MTUS1: variants seen among roughly 807,000 people sequenced by gnomAD.
MTUS1 encodes microtubule-associated tumor suppressor 1.
In MTUS1, 109 loss-of-function variants were observed where a neutral mutation model predicts 120.8. That is an observed-to-expected ratio of 0.90 (90% CI 0.77 to 1.06). The LOEUF is 1.06. Among genes scored for constraint, MTUS1 ranks in the 50% least tolerant of loss-of-function variants. The pLI is 0.00. For synonymous variants in MTUS1, 737 were observed against 550.5 expected (o/e 1.34, Z -4.74); for missense variants, 2,210 against 1,486.3 (o/e 1.49, Z -8.01).
At chr8:17,744,670 T>A (rs1486683888) in intron 2 of MTUS1, among the ~76,000 whole-genome samples, 1 of 149,702 alleles carries the variant, frequency 6.7e-6, no homozygotes, top group African/African-American at 2.4e-5. Context: ...TTAGTGGAGA[T>A]GGGGTTTCAC....
intron 6 of MTUS1, chr8:17,697,347 T>A (rs769643706): frequency 5.6e-6 from 9 of 1,614,052 alleles, no homozygotes; most frequent in Non-Finnish European, 7.6e-6. Flanking sequence ...ATGTGAATGG[T>A]GGATAAGGAG....
At chr8:17,697,217 C>T (rs770310784) in intron 6 of MTUS1, 8 of 1,550,044 alleles carry the variant, frequency 5.2e-6, no homozygotes, top group Non-Finnish European at 7.0e-6. Flanking sequence ...ATGAAGACAT[C>T]CCCCGTGCAA....
chr8:17,768,634 C>T (rs758287041), intron 1 of MTUS1, among the ~76,000 whole-genome samples: 1 of 152,102 alleles, frequency 6.6e-6, no homozygotes, highest in Non-Finnish European at 1.5e-5. Context: ...TCTTTAAGAG[C>T]CTTTTTGCAG....
At chr8:17,758,460 T>A (rs763366870) in intron 1 of MTUS1, among the ~76,000 whole-genome samples, 15 of 152,276 alleles carry the variant, frequency 9.9e-5, no homozygotes, top group Non-Finnish European at 2.1e-4. Flanking sequence ...ATATAACTCC[T>A]TAGTGAAATC....
At chr8:17,727,578 T>C (rs1047271725) in intron 3 of MTUS1, among the ~76,000 whole-genome samples, 12 of 152,176 alleles carry the variant, frequency 7.9e-5, no homozygotes, top group African/African-American at 2.9e-4. Flanking sequence ...TACTAAAACA[T>C]AGCAATATTA....
chr8:17,740,844 C>T (rs1187265538), intron 3 of MTUS1, among the ~76,000 whole-genome samples: 1 of 152,114 alleles, frequency 6.6e-6, no homozygotes, highest in Non-Finnish European at 1.5e-5. Flanking sequence ...ACCTCACATA[C>T]TGAGGACAGT....
chr8:17,704,315 G>T (rs1287991879), intron 6 of MTUS1: 1 of 151,938 alleles, frequency 6.6e-6, no homozygotes, highest in Non-Finnish European at 1.5e-5. Context: ...GTCTATTTTT[G>T]CTTTTGTTAC....
At chr8:17,715,139 C>A (rs1370491228) in intron 5 of MTUS1, among the ~76,000 whole-genome samples, 2 of 151,944 alleles carry the variant, frequency 1.3e-5, no homozygotes, top group African/African-American at 4.8e-5. Flanking sequence ...CTCCTGACCT[C>A]AAGCAATCCA....
intron 1 of MTUS1, among the ~76,000 whole-genome samples, chr8:17,774,378 C>G (rs1044629946): frequency 1.3e-5 from 2 of 152,176 alleles, no homozygotes; most frequent in Non-Finnish European, 2.9e-5. Context: ...AGTACCACCT[C>G]AGTCTCAAAT....
rs141128217 is a variant in MTUS1, at chr8:17,778,738, G to A, written c.-155+22323C>T. Among the ~76,000 whole-genome samples the A allele has an allele frequency of 5.3e-4, 80 of 152,278 alleles. 3 individuals carry two copies. The highest frequency in any genetic ancestry group is 7.4e-5 in the Non-Finnish European group (5 of 68,024). On this transcript the variant is annotated intron_variant, in intron 1 of 14. Transcript: ENST00000693296. ...GTGGGAGGATCGTTTGGGCCCTGGA[G>A]GGGGAGGTTGCAGTGAGCTGAGATA...
At chr8:17,738,327 G>A (rs779466758) in intron 3 of MTUS1, among the ~76,000 whole-genome samples, 38 of 152,242 alleles carry the variant, frequency 2.5e-4, no homozygotes, top group Non-Finnish European at 4.0e-4. Flanking sequence ...CAGGAGTCAC[G>A]GGGCAGGGAG....
chr8:17,746,792 C>T (rs1372476045), intron 2 of MTUS1, among the ~76,000 whole-genome samples: 1 of 152,138 alleles, frequency 6.6e-6, no homozygotes, highest in Non-Finnish European at 1.5e-5. Context: ...ATTCACTTAA[C>T]CCTCATAATA....
At chr8:17,725,929 A>G (rs2046201179) in intron 3 of MTUS1, among the ~76,000 whole-genome samples, 1 of 152,184 alleles carries the variant, frequency 6.6e-6, no homozygotes, top group Non-Finnish European at 1.5e-5. Context: ...CTTTTATTTA[A>G]TATTTAATTT....
chr8:17,770,757 G>C (rs1288559474), intron 1 of MTUS1, among the ~76,000 whole-genome samples: 1 of 152,166 alleles, frequency 6.6e-6, no homozygotes, highest in Non-Finnish European at 1.5e-5. Flanking sequence ...CTTTTCTGAG[G>C]CTTTACAGGC....
intron 6 of MTUS1, chr8:17,692,169 T>TC (rs1817072520): frequency 6.6e-6 from 1 of 152,184 alleles, no homozygotes; most frequent in South Asian, 2.1e-4. Flanking sequence ...TGGCAGATAT[T>TC]CCAATAGAGC....
intron 1 of MTUS1, among the ~76,000 whole-genome samples, chr8:17,759,557 A>G (rs1345570513): frequency 2.0e-5 from 3 of 149,420 alleles, no homozygotes; most frequent in South Asian, 2.1e-4. Flanking sequence ...AAAAGGGGGC[A>G]GGATTCTTTA....
chr8:17,720,705 G>C (rs748274869), intron 4 of MTUS1, among the ~76,000 whole-genome samples: 3 of 152,128 alleles, frequency 2.0e-5, no homozygotes, highest in Non-Finnish European at 4.4e-5. Context: ...CTTCAACTCT[G>C]TTCATGACAT....
At chr8:17,698,305 T>C (rs1818373950) in intron 6 of MTUS1, among the ~76,000 whole-genome samples, 1 of 152,206 alleles carries the variant, frequency 6.6e-6, no homozygotes, top group Admixed American at 6.5e-5. Flanking sequence ...GAGGGCACAG[T>C]TATGAATATC....
intron 7 of MTUS1, 39 bp downstream of exon 7, chr8:17,684,289 C>G (rs1038825553): frequency 3.3e-6 from 5 of 1,536,554 alleles, no homozygotes; most frequent in Non-Finnish European, 4.5e-6. Flanking sequence ...CTCCCCCGAC[C>G]TCAAGTAGAA....
Sources: allele counts gnomAD v4.1 joint callset (sites outside exome capture counted in the v4.1 genomes callset), GRCh38; gene constraint gnomAD v4.1.1; transcripts MANE v1.5; gene names NCBI Gene and HGNC (gene_info 2026-07-23, HGNC 2026-07-21).